The following GRIP2 variants were observed in gnomAD, a reference collection of about 807,000 sequenced individuals.
GRIP2 encodes glutamate receptor-interacting protein 2.
GRIP2 carries 58 observed loss-of-function variants against 108.3 expected under a neutral mutation model. The observed-to-expected ratio is 0.54, with a 90% CI of 0.43 to 0.67. The LOEUF is 0.67. Ranked by LOEUF, GRIP2 falls within the 30% of genes least tolerant of loss-of-function variation. The probability of loss-of-function intolerance (pLI) is 0.00; values close to 1 mark genes in which losing one functional copy is unlikely to be tolerated. For missense variants in GRIP2, 1,278 were observed against 1,430.6 expected (o/e 0.89, Z 1.72); for synonymous variants, 586 against 598.2 (o/e 0.98, Z 0.30).
At chr3:14,519,617 C>T (rs1054240648) in intron 9 of GRIP2, among the ~76,000 whole-genome samples, 9 of 152,050 alleles carry the variant, frequency 5.9e-5, no homozygotes, top group Admixed American at 3.3e-4. Context: ...CCCAACTGTG[C>T]CCTCTGGACC....
At chr3:14,526,418 T>G (rs868162013) in intron 1 of GRIP2, among the ~76,000 whole-genome samples, 46 of 152,340 alleles carry the variant, frequency 3.0e-4, no homozygotes, top group African/African-American at 1.0e-3. Flanking sequence ...GCAGCTCATG[T>G]GAGACAGCTC....
chr3:14,510,543 G>T (rs768637769), intron 16 of GRIP2, among the ~76,000 whole-genome samples: 1 of 152,074 alleles, frequency 6.6e-6, no homozygotes, highest in Non-Finnish European at 1.5e-5. Context: ...GGGTGTACAG[G>T]TATGAGCCAT....
intron 4 of GRIP2, chr3:14,523,956 A>G (rs1694481730): frequency 5.6e-6 from 3 of 536,480 alleles, no homozygotes; most frequent in Non-Finnish European, 1.0e-5. Context: ...GCTTGAGTCC[A>G]TGGCTGGTAG....
the GRIP2 span, chr3:14,573,898 T>A: frequency 8.4e-7 from 1 of 1,185,412 alleles, no homozygotes; most frequent in Non-Finnish European, 1.2e-6. Context: ...CAGCCCGACC[T>A]GTCGTTGTGC....
chr3:14,572,971 C>T, the GRIP2 span: 1 of 1,477,338 alleles, frequency 6.8e-7, no homozygotes, highest in Non-Finnish European at 9.5e-7. Flanking sequence ...ACCAGGCCAG[C>T]CAGGAGGCCC....
chr3:14,510,214 C>T (rs1423712747), intron 16 of GRIP2, among the ~76,000 whole-genome samples: 1 of 151,852 alleles, frequency 6.6e-6, no homozygotes, highest in Non-Finnish European at 1.5e-5. Flanking sequence ...GCCTCTTTTC[C>T]TCCAGCAGCC....
Position 14,520,550 on chromosome 3 carries a change from A to G in GRIP2, c.713-13T>C, listed in dbSNP as rs1451743306. The G allele has an allele frequency of 6.2e-7, 1 of 1,613,416 alleles. No homozygotes were observed. The highest frequency in any genetic ancestry group is 8.5e-7 in the Non-Finnish European group (1 of 1,179,520). ...TTAGCCACCGTGTCTGGCATGACGGAGAAAAAAAGTTTGAAATGCAAATAC... is the reference window on the plus strand; with the variant it reads ...TTAGCCACCGTGTCTGGCATGACGGGGAAAAAAAGTTTGAAATGCAAATAC... On this transcript the variant is annotated splice_polypyrimidine_tract_variant and intron_variant, in intron 7 of 23. Coordinates refer to ENST00000621039, the MANE Select transcript of GRIP2 (RefSeq NM_001080423.4).
chr3:14,597,509 C>T, the GRIP2 span, among the ~76,000 whole-genome samples: 16 of 152,082 alleles, frequency 1.1e-4, no homozygotes, highest in African/African-American at 3.1e-4. Context: ...GAAGAGAGAC[C>T]GAGAATGCTA....
intron 1 of GRIP2, among the ~76,000 whole-genome samples, chr3:14,535,920 C>T (rs1018072505): frequency 1.3e-5 from 2 of 152,220 alleles, no homozygotes; most frequent in African/African-American, 4.8e-5. Flanking sequence ...AGGGCTGGAA[C>T]AGGCCAAGGG....
chr3:14,516,434 A>T (rs1036099515), intron 11 of GRIP2, among the ~76,000 whole-genome samples: 1 of 152,216 alleles, frequency 6.6e-6, no homozygotes, highest in South Asian at 2.1e-4. Flanking sequence ...GTTCCCAAGA[A>T]GGGTTTCAAA....
At chr3:14,496,781 C>T (rs896166862) in intron 21 of GRIP2, among the ~76,000 whole-genome samples, 6 of 152,236 alleles carry the variant, frequency 3.9e-5, no homozygotes, top group Admixed American at 1.3e-4. Flanking sequence ...CGTAATCATT[C>T]GTGCCGACCC....
intron 10 of GRIP2, 52 bp from the exon 11 acceptor site, chr3:14,517,265 C>G: frequency 6.7e-7 from 1 of 1,483,666 alleles, no homozygotes. Flanking sequence ...CTCTCCACCC[C>G]ACCACACAGT....
the GRIP2 span, chr3:14,602,136 GCCCC>G: frequency 6.6e-6 from 1 of 152,226 alleles, no homozygotes; most frequent in Admixed American, 6.5e-5. The surrounding 1 kb of genome is among the most constrained non-coding windows in gnomAD (Gnocchi z 4.7). Flanking sequence ...ACCTCACCCT[GCCCC>G]CGACTCCCAG....
chr3:14,515,998 A>G (rs1222902005), intron 11 of GRIP2, among the ~76,000 whole-genome samples: 1 of 152,062 alleles, frequency 6.6e-6, no homozygotes, highest in East Asian at 1.9e-4. Flanking sequence ...ATAATTAATT[A>G]ATTATAATTA....
rs1190621853 is a variant in GRIP2 at position 14,489,291 on chromosome 3, T to C, written c.*4374A>G. The C allele has an allele frequency of 6.5e-6, 1 of 152,684 alleles. No homozygotes were observed. Among genetic ancestry groups the C allele is most frequent in the Non-Finnish European group, 1.5e-5 (1 of 68,044 alleles). 9.5% of individuals were successfully genotyped at this position (152,684 alleles called of 1,614,324 possible). The stretch of plus-strand genomic sequence containing the variant: ...ATTTTAAATTCATCTTTGCTTTTTT[T>C]AGAGGAGTTTGTAATCACCTTATAA... On this transcript the variant is annotated 3_prime_UTR_variant, in exon 24 of 24. Coordinates refer to ENST00000621039, the MANE Select transcript of GRIP2 (RefSeq NM_001080423.4).
In GRIP2 at chr3:14,513,826, C is replaced by T; in HGVS notation, c.1494-16G>A. 6.2e-7 allele frequency: 1 copy of T among 1,610,328 alleles called. No individual in the cohort carries two copies. Among genetic ancestry groups the T allele is most frequent in the Non-Finnish European group, 8.5e-7 (1 of 1,178,108 alleles). On this transcript the variant is annotated splice_polypyrimidine_tract_variant and intron_variant, in intron 12 of 23. Coordinates refer to ENST00000621039, the MANE Select transcript of GRIP2 (RefSeq NM_001080423.4). Reference sequence around the variant, plus strand: ...CAGCCCACACCTGAACCCAGGGGGCCCGGCAGAGAGAAGAGGCTCCGTGAC... The same window carrying T: ...CAGCCCACACCTGAACCCAGGGGGCTCGGCAGAGAGAAGAGGCTCCGTGAC...
At chr3:14,497,161 T>C (rs1693633669) in intron 21 of GRIP2, among the ~76,000 whole-genome samples, 1 of 151,976 alleles carries the variant, frequency 6.6e-6, no homozygotes, top group Non-Finnish European at 1.5e-5. Flanking sequence ...CAGACGAGGT[T>C]TCTCCGTGTT....
the GRIP2 span, among the ~76,000 whole-genome samples, chr3:14,590,861 C>T: frequency 6.6e-6 from 1 of 152,220 alleles, no homozygotes; most frequent in African/African-American, 2.4e-5. Flanking sequence ...GTTGCCCGAT[C>T]TTCCAAAGAA....
chr3:14,494,969 G>A lies in GRIP2; in HGVS notation c.2844C>T (p.Pro948=). ...EMHKVTLHKD[P]MRHDFGFSVS... is the part of the protein sequence containing the mutation. Reference sequence around the variant, plus strand: ...CGCTGAAACCAAAGTCATGCCGCATGGGGTCCTTGTGCAGGGTCACCTGGA... The same window carrying A: ...CGCTGAAACCAAAGTCATGCCGCATAGGGTCCTTGTGCAGGGTCACCTGGA... The change falls in exon 23 of 24, where the codon CCC becomes CCT. Residue 948 remains proline, a synonymous_variant. Coordinates refer to ENST00000621039, the MANE Select transcript of GRIP2 (RefSeq NM_001080423.4). 6.2e-7 allele frequency: 1 copy of A among 1,613,928 alleles called. No individual in the cohort carries two copies. Among genetic ancestry groups the A allele is most frequent in the Non-Finnish European group, 8.5e-7 (1 of 1,179,844 alleles).
Sources: gnomAD v4.1 joint callset for allele counts (sites outside exome capture counted in the v4.1 genomes callset) on GRCh38, gnomAD v4.1.1 for gene constraint, Gnocchi (gnomAD v3.1) non-coding constraint, MANE v1.5 for transcripts, NCBI Gene and HGNC (gene_info 2026-07-23, HGNC 2026-07-21) for gene names.